Variants in KIF26B observed in about 807,000 individuals in gnomAD.
KIF26B encodes the protein kinesin-like protein KIF26B.
In KIF26B, 63 loss-of-function variants were observed where a neutral mutation model predicts 151.2. The observed-to-expected ratio is 0.42, with a 90% CI of 0.34 to 0.51. KIF26B has a LOEUF of 0.51. Among genes scored for constraint, KIF26B ranks in the 20% least tolerant of loss-of-function variants. The pLI is 0.07. For missense variants in KIF26B, 2,813 were observed against 2,913.6 expected (o/e 0.97, Z 0.79); for synonymous variants, 1,357 against 1,262.1 (o/e 1.08, Z -1.59).
intron 5 of KIF26B, among the ~76,000 whole-genome samples, chr1:245,575,583 A>G (rs953675157): frequency 2.0e-5 from 3 of 152,112 alleles, no homozygotes; most frequent in African/African-American, 7.2e-5. Context: ...TCCAACTCTT[A>G]GATATGTCAG....
intron 2 of KIF26B, among the ~76,000 whole-genome samples, chr1:245,319,058 A>C (rs1188944505): frequency 6.6e-6 from 1 of 152,244 alleles, no homozygotes; most frequent in Non-Finnish European, 1.5e-5. Context: ...GCCACTAAGG[A>C]AATAGACCCA....
At position 245,333,297 on chromosome 1, in the gene KIF26B, T is replaced by C. The variant is rs545078318; in HGVS notation, c.466-33537T>C. Among the ~76,000 whole-genome samples, 10 of 152,342 alleles carry C rather than the reference T, an allele frequency of 6.6e-5. No individual in the cohort carries two copies. In the South Asian group the frequency reaches 1.2e-3, roughly 19 times the overall value. ...TGAAATTCGGACACACGCTACAGCCTGGATGAACCTTGAAGACATGATGTT... is the reference window on the plus strand; with the variant it reads ...TGAAATTCGGACACACGCTACAGCCCGGATGAACCTTGAAGACATGATGTT... On this transcript the variant is annotated intron_variant, in intron 2 of 14. Transcript: ENST00000407071.
At chr1:245,452,965 G>A (rs1006420003) in intron 4 of KIF26B, among the ~76,000 whole-genome samples, 3 of 151,902 alleles carry the variant, frequency 2.0e-5, no homozygotes, top group Admixed American at 6.6e-5. Context: ...TTCTTCTGTT[G>A]CTTGTGCTTT....
chr1:245,376,594 T>C (rs1673279148), intron 3 of KIF26B, among the ~76,000 whole-genome samples: 1 of 152,212 alleles, frequency 6.6e-6, no homozygotes, highest in Non-Finnish European at 1.5e-5. Context: ...AATGAATGTG[T>C]GTGGATAGAT....
At chr1:245,671,466 C>T (rs989000231) in intron 10 of KIF26B, among the ~76,000 whole-genome samples, 10 of 151,980 alleles carry the variant, frequency 6.6e-5, no homozygotes, top group Admixed American at 1.3e-4. Flanking sequence ...TGGTGGTTAC[C>T]GGGGGCCGGG....
At chr1:245,514,065 T>G (rs1660896999) in intron 4 of KIF26B, among the ~76,000 whole-genome samples, 1 of 152,114 alleles carries the variant, frequency 6.6e-6, no homozygotes, top group Admixed American at 6.5e-5. Context: ...ATCGCGTCCT[T>G]GAAAATTGCT....
At chr1:245,249,526 C>T (rs1317215768) in intron 2 of KIF26B, among the ~76,000 whole-genome samples, 1 of 141,614 alleles carries the variant, frequency 7.1e-6, no homozygotes, top group Non-Finnish European at 1.5e-5. Flanking sequence ...CTCACCTTGT[C>T]GCCTAGGCCG....
chr1:245,441,174 C>A (rs1659069390), intron 4 of KIF26B, among the ~76,000 whole-genome samples: 1 of 152,128 alleles, frequency 6.6e-6, no homozygotes, highest in South Asian at 2.1e-4. Flanking sequence ...TGGTGTCTAC[C>A]ACCGTAATTA....
intron 3 of KIF26B, among the ~76,000 whole-genome samples, chr1:245,390,929 A>C (rs868085207): frequency 7.5e-6 from 1 of 132,452 alleles, no homozygotes; most frequent in African/African-American, 3.3e-5. Context: ...CTCAAAAAAA[A>C]AAAAAAAAAA....
At chr1:245,366,298 C>T (rs911324530) in intron 2 of KIF26B, among the ~76,000 whole-genome samples, 23 of 152,034 alleles carry the variant, frequency 1.5e-4, no homozygotes, top group African/African-American at 5.1e-4. Context: ...TTTGGGAGGC[C>T]GAGGCGGGTG....
At position 245,698,667 on chromosome 1, in the gene KIF26B, A is replaced by G. The variant is rs1250769131; in HGVS notation, c.6028-220A>G. Reference sequence around the variant, plus strand: ...CTTAAGAATGGCCTGTCATAGTCCAAAAATGGTCTGTCATAGTCCAAGAAT... The same window carrying G: ...CTTAAGAATGGCCTGTCATAGTCCAGAAATGGTCTGTCATAGTCCAAGAAT... On this transcript the variant is annotated intron_variant, in intron 13 of 14. Coordinates refer to ENST00000407071, the MANE Select transcript of KIF26B (RefSeq NM_018012.4). The surrounding 1 kb of genome is among the most constrained non-coding windows in gnomAD (Gnocchi z 4.0). Among the ~76,000 whole-genome samples the G allele has an allele frequency of 1.3e-5, 2 of 149,194 alleles. No homozygotes were observed. Among genetic ancestry groups the G allele is most frequent in the Non-Finnish European group, 2.9e-5 (2 of 68,014 alleles).
intron 2 of KIF26B, among the ~76,000 whole-genome samples, chr1:245,191,482 A>G (rs569685729): frequency 3.9e-5 from 6 of 152,314 alleles, no homozygotes; most frequent in African/African-American, 1.4e-4. Flanking sequence ...GTCTCAAAAC[A>G]AGCAAACAAA....
intron 9 of KIF26B, among the ~76,000 whole-genome samples, chr1:245,623,018 G>A (rs901104106): frequency 1.4e-5 from 2 of 139,408 alleles, no homozygotes; most frequent in African/African-American, 5.4e-5. Context: ...CTGCAGGATC[G>A]TGAGCAAGTT....
chr1:245,386,503 C>T lies in KIF26B; in HGVS notation c.999+19136C>T, dbSNP rs576518570. Among the ~76,000 whole-genome samples the T allele has an allele frequency of 2.6e-5, 4 of 152,190 alleles. No individual in the cohort carries two copies. In the South Asian group the frequency reaches 8.3e-4, roughly 32 times the overall value. ...TCAGGGCTGGAGGGCTCCAGCTGCCCATCTGGGCTGCCACTATGGAGGAGA... is the reference window on the plus strand; with the variant it reads ...TCAGGGCTGGAGGGCTCCAGCTGCCTATCTGGGCTGCCACTATGGAGGAGA... On this transcript the variant is annotated intron_variant, in intron 3 of 14. Transcript: ENST00000407071.
rs1236096671 is a variant in KIF26B at position 245,602,663 on chromosome 1, G to A, written c.1437G>A (p.Lys479=). 1 of 1,613,934 alleles carries A rather than the reference G, an allele frequency of 6.2e-7. No homozygotes were observed. Among genetic ancestry groups the A allele is most frequent in the East Asian group, 2.2e-5 (1 of 44,900 alleles). ...TCTTAAAGGTGGACCCACGGAAGAA[G>A]CAGATCACCTTGTACGATCCCCTGA... is the stretch of plus-strand genomic sequence containing the variant. ...SSFLKVDPRK[K]QITLYDPLTC... Residue 479 remains lysine (K), a synonymous_variant, in exon 6 of 15, where the codon AAG becomes AAA. Transcript: ENST00000407071. This position sits in a 1 kb window ranked among gnomAD's most constrained non-coding sequence, Gnocchi z 4.5.
At chr1:245,490,453 A>G (rs1312972061) in intron 4 of KIF26B, among the ~76,000 whole-genome samples, 2 of 151,628 alleles carry the variant, frequency 1.3e-5, no homozygotes, top group Non-Finnish European at 1.5e-5. Context: ...CTGGGACTAC[A>G]GGCGCACACC....
At chr1:245,528,430 C>T (rs1661289437) in intron 4 of KIF26B, among the ~76,000 whole-genome samples, 1 of 152,164 alleles carries the variant, frequency 6.6e-6, no homozygotes, top group Non-Finnish European at 1.5e-5. Flanking sequence ...GACTTTTTAC[C>T]TCTCATTGTC....
At chr1:245,457,113 G>A (rs188268323) in intron 4 of KIF26B, among the ~76,000 whole-genome samples, 4 of 152,296 alleles carry the variant, frequency 2.6e-5, no homozygotes, top group African/African-American at 2.4e-5. Flanking sequence ...TGATCTGCCC[G>A]CCTCGGCCTC....
intron 10 of KIF26B, among the ~76,000 whole-genome samples, chr1:245,683,795 C>T (rs900139793): frequency 7.2e-5 from 11 of 152,294 alleles, no homozygotes; most frequent in Non-Finnish European, 1.6e-4. Context: ...AATCCAGGTT[C>T]GTGGCAGGGG....
Sources: allele counts gnomAD v4.1 joint callset (sites outside exome capture counted in the v4.1 genomes callset), GRCh38; gene constraint gnomAD v4.1.1; non-coding constraint Gnocchi (gnomAD v3.1); transcripts MANE v1.5; gene names NCBI Gene and HGNC (gene_info 2026-07-23, HGNC 2026-07-21).